The following DCAF6 variants were observed in gnomAD, a reference collection of about 807,000 sequenced individuals.
DCAF6 encodes DDB1- and CUL4-associated factor 6.
A neutral mutation model predicts 125.1 loss-of-function variants in DCAF6; 54 were observed. That is an observed-to-expected ratio of 0.43 (90% CI 0.35 to 0.54). DCAF6 has a LOEUF of 0.54. Ranked by LOEUF, DCAF6 falls within the 20% of genes least tolerant of loss-of-function variation. The pLI, the probability that DCAF6 is intolerant of heterozygous loss-of-function variation, is 0.01. For synonymous variants in DCAF6, 371 were observed against 390.4 expected (o/e 0.95, Z 0.58); for missense variants, 934 against 1,161.7 (o/e 0.80, Z 2.85).
chr1:168,069,209 A>ATT (rs1276656069), intron 21 of DCAF6, among the ~76,000 whole-genome samples: 1 of 152,156 alleles, frequency 6.6e-6, no homozygotes, highest in Non-Finnish European at 1.5e-5. Context: ...CAACTGATAA[A>ATT]TATTAAAGCC....
rs1418459679 is a variant in DCAF6, at chr1:167,987,505, T to C, written c.449T>C (p.Val150Ala). The change falls in exon 5 of 22, where the codon GTA (valine) becomes GCA (alanine). Residue 150 changes from valine to alanine, a missense_variant. Around this residue, in one of 5 missense-constraint regions of DCAF6, gnomAD observed 309 missense variants for 381.2 expected, o/e 0.81. Coordinates refer to ENST00000367840, the MANE Select transcript of DCAF6 (RefSeq NM_001198956.2). ...HYGTTYEIMTVPNDPYTFLSC... is the reference protein window; with the variant it reads ...HYGTTYEIMTAPNDPYTFLSC... ...TCTTTTCATCTTCAGATTATGACTG[T>C]ACCCAATGACCCTTACACTTTTCTC... 1 of 1,564,510 alleles carries C rather than the reference T, an allele frequency of 6.4e-7. No homozygotes were observed. The highest frequency in any genetic ancestry group is 1.7e-5 in the Admixed American group (1 of 59,846).
At chr1:167,936,029 G>T, upstream of DCAF6, 1 of 605,042 alleles carries the variant, frequency 1.7e-6, no homozygotes, top group South Asian at 2.0e-5. Context: ...CCCCGCGAAG[G>T]TTGAGGGGGC....
chr1:168,051,402 T>G (rs1348909714), intron 17 of DCAF6, among the ~76,000 whole-genome samples: 1 of 152,224 alleles, frequency 6.6e-6, no homozygotes, highest in Non-Finnish European at 1.5e-5. Flanking sequence ...AGTTGTTTCC[T>G]TATAAATAGT....
chr1:168,029,158 C>G (rs1221040728), intron 12 of DCAF6, among the ~76,000 whole-genome samples: 1 of 152,166 alleles, frequency 6.6e-6, no homozygotes, highest in Non-Finnish European at 1.5e-5. Context: ...TTCTGCTGAT[C>G]AAACCTATAC....
the DCAF6 span, among the ~76,000 whole-genome samples, chr1:167,929,899 T>C: frequency 2.0e-4 from 30 of 152,212 alleles, no homozygotes; most frequent in Non-Finnish European, 3.5e-4. Context: ...ATCCCTTTCA[T>C]GCCACTCCTT....
chr1:167,873,450 A>G, the DCAF6 span, among the ~76,000 whole-genome samples: 3 of 152,124 alleles, frequency 2.0e-5, no homozygotes, highest in Non-Finnish European at 4.4e-5. Flanking sequence ...GCCTCCTCTT[A>G]ATTGCCTTGA....
intron 10 of DCAF6, among the ~76,000 whole-genome samples, chr1:168,006,596 T>C (rs551892099): frequency 6.6e-6 from 1 of 152,322 alleles, no homozygotes; most frequent in Admixed American, 6.5e-5. Context: ...TTGTTTTTTG[T>C]CCAATCTCTT....
the DCAF6 span, among the ~76,000 whole-genome samples, chr1:167,906,180 G>A: frequency 1.1e-4 from 17 of 151,886 alleles, no homozygotes; most frequent in African/African-American, 3.6e-4. Context: ...AAATAACTCA[G>A]GGAAAAATAT....
At chr1:167,996,270 C>CT (rs1364453765) in intron 7 of DCAF6, among the ~76,000 whole-genome samples, 1 of 148,872 alleles carries the variant, frequency 6.7e-6, no homozygotes, top group Non-Finnish European at 1.5e-5. Flanking sequence ...ATCCTTTTTT[C>CT]TTTTTATCAT....
chr1:168,021,188 A>G (rs918472331), intron 11 of DCAF6, among the ~76,000 whole-genome samples: 1 of 152,088 alleles, frequency 6.6e-6, no homozygotes, highest in Non-Finnish European at 1.5e-5. Flanking sequence ...TCTGAACAAG[A>G]TTTGTACATT....
At chr1:167,985,731 A>G (rs1039326369) in intron 4 of DCAF6, among the ~76,000 whole-genome samples, 1 of 152,218 alleles carries the variant, frequency 6.6e-6, no homozygotes, top group African/African-American at 2.4e-5. Context: ...TTAAGACAAA[A>G]GTTTTCCAAG....
intron 2 of DCAF6, among the ~76,000 whole-genome samples, chr1:167,956,415 G>T (rs1219550071): frequency 6.6e-6 from 1 of 151,960 alleles, no homozygotes; most frequent in Admixed American, 6.6e-5. Flanking sequence ...ATGTTACTGT[G>T]TTTCTCATTA....
chr1:168,031,374 T>C (rs1384870060), intron 12 of DCAF6, among the ~76,000 whole-genome samples: 2 of 152,176 alleles, frequency 1.3e-5, no homozygotes, highest in Non-Finnish European at 2.9e-5. Flanking sequence ...ACGAGAGTGT[T>C]GTCTGCTGGA....
At chr1:168,057,473 C>G (rs1044214455) in intron 17 of DCAF6, among the ~76,000 whole-genome samples, 1 of 152,150 alleles carries the variant, frequency 6.6e-6, no homozygotes, top group Non-Finnish European at 1.5e-5. Flanking sequence ...CAGATTTACT[C>G]TTTTCCTCCA....
chr1:167,965,134 A>G (rs1379113268), intron 2 of DCAF6, among the ~76,000 whole-genome samples: 4 of 152,324 alleles, frequency 2.6e-5, no homozygotes, highest in Admixed American at 1.3e-4. Flanking sequence ...TATTAAAAGT[A>G]ATGGTATAAA....
chr1:168,049,646 A>ATTTTTTTT (rs756012977), intron 16 of DCAF6, among the ~76,000 whole-genome samples: 2 of 90,300 alleles, frequency 2.2e-5, no homozygotes, highest in African/African-American at 5.4e-5. Flanking sequence ...TCTGCATATA[A>ATTTTTTTT]TTTTTTTTTT....
At chr1:167,880,073 T>C in the DCAF6 span, 1 of 1,549,280 alleles carries the variant, frequency 6.5e-7, no homozygotes, top group Non-Finnish European at 8.9e-7. Context: ...CAAGGTGCTG[T>C]GTTTGCAGAA....
At chr1:167,908,860 G>T in the DCAF6 span, among the ~76,000 whole-genome samples, 1 of 152,154 alleles carries the variant, frequency 6.6e-6, no homozygotes, top group Non-Finnish European at 1.5e-5. Flanking sequence ...TAAGCACGAG[G>T]TGCTAAAAAA....
At chr1:167,970,973 G>A (rs2102864424) in intron 3 of DCAF6, among the ~76,000 whole-genome samples, 1 of 152,256 alleles carries the variant, frequency 6.6e-6, no homozygotes, top group South Asian at 2.1e-4. Context: ...GAAGCCCAGA[G>A]ATGGTCTTGC....
Sources: gnomAD v4.1 joint callset for allele counts (sites outside exome capture counted in the v4.1 genomes callset) on GRCh38, gnomAD v4.1.1 for gene constraint, gnomAD v4.1.1 regional missense constraint, MANE v1.5 for transcripts, NCBI Gene and HGNC (gene_info 2026-07-23, HGNC 2026-07-21) for gene names.